THSD7A: variants seen among roughly 807,000 people sequenced by gnomAD.
THSD7A encodes the protein thrombospondin type 1 domain containing 7A.
Under a neutral mutation model 231.3 loss-of-function variants are expected in THSD7A, and 96 were observed. The observed-to-expected ratio is 0.41, with a 90% CI of 0.35 to 0.49. The LOEUF (loss-of-function observed/expected upper bound fraction) is 0.49, where lower values mean the gene tolerates loss of function less well. Among genes scored for constraint, THSD7A ranks in the 20% least tolerant of loss-of-function variants. THSD7A has a pLI of 0.05. For synonymous variants in THSD7A, 940 were observed against 743.3 expected (o/e 1.26, Z -4.30); for missense variants, 2,290 against 2,070.2 (o/e 1.11, Z -2.06).
chr7:11,479,301 G>A (rs528680746), intron 7 of THSD7A, among the ~76,000 whole-genome samples: 35 of 152,192 alleles, frequency 2.3e-4, no homozygotes, highest in Non-Finnish European at 4.7e-4. Flanking sequence ...ATAAGTGAAA[G>A]TATAGGTTGG....
intron 1 of THSD7A, among the ~76,000 whole-genome samples, chr7:11,716,851 A>G (rs1267784363): frequency 6.6e-6 from 1 of 151,594 alleles, no homozygotes; most frequent in East Asian, 2.0e-4. Flanking sequence ...AAACAGAAAA[A>G]GCGTATGTAA....
At position 11,698,580 on chromosome 7, in the gene THSD7A, T is replaced by C. The variant is rs1043206924; in HGVS notation, c.191-61619A>G. On this transcript the variant is annotated intron_variant, in intron 1 of 27. Coordinates refer to ENST00000423059, the MANE Select transcript of THSD7A (RefSeq NM_015204.3). The stretch of plus-strand genomic sequence containing the variant: ...TCCCACAGCTGCACAGAAGAAAGAC[T>C]GCAAATTATTCCACACTCAGGTTAA... 2.0e-5 allele frequency among the ~76,000 whole-genome samples: 3 copies of C among 151,432 alleles called. No homozygotes were observed. In the South Asian group the frequency reaches 6.2e-4, roughly 31 times the overall value.
At chr7:11,823,112 C>G (rs140449755) in intron 1 of THSD7A, among the ~76,000 whole-genome samples, 346 of 152,048 alleles carry the variant, frequency 2.3e-3, no homozygotes, top group South Asian at 8.7e-3. Flanking sequence ...GTTAATCCCT[C>G]TTGGGTAGAT....
chr7:11,376,097 C>T (rs986903292), intron 27 of THSD7A, among the ~76,000 whole-genome samples: 5 of 152,020 alleles, frequency 3.3e-5, no homozygotes, highest in Non-Finnish European at 7.4e-5. Context: ...TTTCACTACC[C>T]TACAAAAGAT....
intron 1 of THSD7A, among the ~76,000 whole-genome samples, chr7:11,670,846 T>C (rs1783357573): frequency 6.6e-6 from 1 of 152,164 alleles, no homozygotes; most frequent in Non-Finnish European, 1.5e-5. Flanking sequence ...CCCCAAATAT[T>C]TCTGCCTCTT....
chr7:11,777,973 C>T (rs1396049827), intron 1 of THSD7A, among the ~76,000 whole-genome samples: 84 of 141,272 alleles, frequency 5.9e-4, no homozygotes, highest in African/African-American at 2.1e-3. Context: ...AACGGTGAAA[C>T]CCCGTCTCTA....
At chr7:11,700,211 T>C (rs190479880) in intron 1 of THSD7A, among the ~76,000 whole-genome samples, 159 of 151,342 alleles carry the variant, frequency 1.1e-3, no homozygotes, top group African/African-American at 3.5e-3. Flanking sequence ...TAGATACCTC[T>C]TGTTAGATAA....
chr7:11,513,086 C>G lies in THSD7A; in HGVS notation c.1822+28333G>C, dbSNP rs181392697. On this transcript the variant is annotated intron_variant, in intron 6 of 27. Coordinates refer to ENST00000423059, the MANE Select transcript of THSD7A (RefSeq NM_015204.3). The stretch of plus-strand genomic sequence containing the variant: ...GAAAACCAAATGTTGTGTATTCTCA[C>G]TAATAGGTGGGAGCTGAGCTATGAG... 1.8e-3 allele frequency among the ~76,000 whole-genome samples: 267 copies of G among 151,404 alleles called. 1 individual carries two copies. The highest frequency in any genetic ancestry group is 6.2e-3 in the African/African-American group (254 of 41,144).
intron 5 of THSD7A, 43 bp downstream of exon 5, chr7:11,542,919 C>T: frequency 3.2e-6 from 5 of 1,577,192 alleles, no homozygotes; most frequent in Non-Finnish European, 4.3e-6. Flanking sequence ...TGATTTGATA[C>T]AATTGGTGGG....
At chr7:11,468,372 C>T (rs1455300298) in intron 9 of THSD7A, among the ~76,000 whole-genome samples, 3 of 150,532 alleles carry the variant, frequency 2.0e-5, no homozygotes, top group African/African-American at 7.3e-5. Context: ...CCAACTGTGA[C>T]CGGTGTTATT....
chr7:11,504,778 A>G (rs997079659), intron 6 of THSD7A, among the ~76,000 whole-genome samples: 2 of 152,014 alleles, frequency 1.3e-5, no homozygotes, highest in African/African-American at 4.8e-5. Context: ...TGCCTGATAC[A>G]TTTGCATGAA....
At chr7:11,696,224 T>C (rs948307465) in intron 1 of THSD7A, among the ~76,000 whole-genome samples, 1 of 151,416 alleles carries the variant, frequency 6.6e-6, no homozygotes, top group Non-Finnish European at 1.5e-5. Context: ...AATAATGGAT[T>C]GGCAACATGG....
At chr7:11,507,071 G>A (rs754531381) in intron 6 of THSD7A, among the ~76,000 whole-genome samples, 5 of 152,086 alleles carry the variant, frequency 3.3e-5, no homozygotes, top group Non-Finnish European at 5.9e-5. Flanking sequence ...CTTATTAAAT[G>A]TTTTCTGAGT....
chr7:11,781,901 A>G (rs1783643175), intron 1 of THSD7A, among the ~76,000 whole-genome samples: 1 of 152,152 alleles, frequency 6.6e-6, no homozygotes, highest in African/African-American at 2.4e-5. Flanking sequence ...CCCACAGTCG[A>G]TACATTTTGA....
Position 11,779,383 on chromosome 7 carries a change from C to T in THSD7A, c.190+52374G>A, listed in dbSNP as rs1196931072. 5.9e-5 allele frequency among the ~76,000 whole-genome samples: 9 copies of T among 152,156 alleles called. No homozygotes were observed. In the South Asian group the frequency reaches 1.4e-3, roughly 25 times the overall value. ...CCCAAACAAGGTCTCTAATTAGGTG[C>T]CCTTTCCCTTATTACACATCCAAGT... On this transcript the variant is annotated intron_variant, in intron 1 of 27. Coordinates refer to ENST00000423059, the MANE Select transcript of THSD7A (RefSeq NM_015204.3).
intron 6 of THSD7A, among the ~76,000 whole-genome samples, chr7:11,491,235 C>T (rs10486137): frequency 0.082 from 12,516 of 152,032 alleles, 656 homozygotes; most frequent in Non-Finnish European, 0.11. Flanking sequence ...AGCTAACTTA[C>T]GTAATTTTTG....
intron 1 of THSD7A, among the ~76,000 whole-genome samples, chr7:11,788,150 A>G (rs983655684): frequency 6.6e-6 from 1 of 151,888 alleles, no homozygotes; most frequent in Non-Finnish European, 1.5e-5. Context: ...ATCCTTCCCA[A>G]CCATTTCTAT....
chr7:11,397,853 C>T (rs1375060951), intron 23 of THSD7A, among the ~76,000 whole-genome samples: 2 of 152,124 alleles, frequency 1.3e-5, no homozygotes, highest in Non-Finnish European at 2.9e-5. Flanking sequence ...CAATGAGATA[C>T]CATCTCACAC....
At chr7:11,686,433 A>G (rs1453409883) in intron 1 of THSD7A, among the ~76,000 whole-genome samples, 1 of 151,918 alleles carries the variant, frequency 6.6e-6, no homozygotes, top group Non-Finnish European at 1.5e-5. Context: ...ATTGCTCATG[A>G]AAAGATACAT....
Sources: allele counts gnomAD v4.1 joint callset (sites outside exome capture counted in the v4.1 genomes callset), GRCh38; gene constraint gnomAD v4.1.1; transcripts MANE v1.5; gene names NCBI Gene and HGNC (gene_info 2026-07-23, HGNC 2026-07-21).